Variants in STEAP3 observed in about 807,000 individuals in gnomAD.
STEAP3 encodes the protein STEAP3 metalloreductase.
Under a neutral mutation model 34.9 loss-of-function variants are expected in STEAP3, and 35 were observed. The ratio of observed to expected loss-of-function variants is 1.00; its 90% CI spans 0.76 to 1.33. STEAP3 has a LOEUF of 1.33. STEAP3 is among the 40% of genes most tolerant of loss of function. The pLI is 0.00. For missense variants in STEAP3, 652 were observed against 667.6 expected (o/e 0.98, Z 0.26); for synonymous variants, 281 against 301.6 (o/e 0.93, Z 0.71).
At chr2:119,254,281 C>T (rs937638491) in intron 4 of STEAP3, among the ~76,000 whole-genome samples, 1 of 151,982 alleles carries the variant, frequency 6.6e-6, no homozygotes, top group South Asian at 2.1e-4. Flanking sequence ...TGCTTAAGGG[C>T]TGTATTTCTG....
At chr2:119,257,620 A>G (rs1677813829) in intron 5 of STEAP3, 1 of 1,500,504 alleles carries the variant, frequency 6.7e-7, no homozygotes, top group Non-Finnish European at 8.9e-7. Context: ...TATGGTCATC[A>G]AGAGGATTTG....
At chr2:119,254,914 G>A (rs1677733964) in intron 5 of STEAP3, 66 bp downstream of exon 5, 6 of 1,557,892 alleles carry the variant, frequency 3.9e-6, no homozygotes, top group Non-Finnish European at 5.2e-6. Flanking sequence ...ATGAGTAAGT[G>A]CTCTGCCTTT....
At chr2:119,243,492 T>G (rs1313066408) in intron 2 of STEAP3, among the ~76,000 whole-genome samples, 1 of 152,188 alleles carries the variant, frequency 6.6e-6, no homozygotes, top group African/African-American at 2.4e-5. Context: ...TCCCTGAGCC[T>G]CAGTTCCCTC....
In STEAP3 at chr2:119,231,008, G is replaced by A. The variant is rs1676915580; in HGVS notation, c.-5G>A. 1.2e-6 allele frequency: 2 copies of A among 1,614,222 alleles called. No individual in the cohort carries two copies. Among genetic ancestry groups the A allele is most frequent in the East Asian group, 4.5e-5 (2 of 44,884 alleles). On this transcript the variant is annotated 5_prime_UTR_variant, in exon 2 of 6. Coordinates refer to ENST00000393110, the MANE Select transcript of STEAP3 (RefSeq NM_182915.3). ...CTGAGAGCCTCAGACCCTCACGTCA[G>A]CCGGATGTCGCACCAGCCTGCTGTT...
intron 2 of STEAP3, 179 bp from the exon 3 acceptor site, chr2:119,245,310 G>A (rs1573557810): frequency 1.2e-6 from 1 of 829,192 alleles, no homozygotes; most frequent in South Asian, 1.9e-5. Context: ...GCTCTCCCCA[G>A]GGAAGGGGCT....
At chr2:119,237,934 G>A (rs1677138126) in intron 2 of STEAP3, among the ~76,000 whole-genome samples, 1 of 152,116 alleles carries the variant, frequency 6.6e-6, no homozygotes, top group Non-Finnish European at 1.5e-5. Context: ...TGTAATGTCT[G>A]GCCTTTTGTA....
rs186086105 is a variant in STEAP3, at chr2:119,238,551, G to A, written c.23-6938G>A. Among the ~76,000 whole-genome samples, 4 of 152,278 alleles carry A rather than the reference G, an allele frequency of 2.6e-5. No individual in the cohort carries two copies. The East Asian group carries it at 7.7e-4, about 29-fold the overall frequency. On this transcript the variant is annotated intron_variant, in intron 2 of 5. Coordinates refer to ENST00000393110, the MANE Select transcript of STEAP3 (RefSeq NM_182915.3). ...AAACAGGTCCCCTTATCAGTTATATGATTTCCTGAACTTTTCTCCATTCTG... is the reference window on the plus strand; with the variant it reads ...AAACAGGTCCCCTTATCAGTTATATAATTTCCTGAACTTTTCTCCATTCTG...
intron 4 of STEAP3, among the ~76,000 whole-genome samples, chr2:119,252,719 AG>A (rs777157680): frequency 2.6e-5 from 4 of 152,156 alleles, no homozygotes; most frequent in Non-Finnish European, 5.9e-5. Context: ...GTGGTTTAAT[AG>A]GCTGGCTGAG....
At position 119,247,984 on chromosome 2, in the gene STEAP3, G is replaced by C; in HGVS notation, c.828G>C (p.Leu276=). 1.2e-6 allele frequency: 2 copies of C among 1,612,598 alleles called. No individual in the cohort carries two copies. The highest frequency in any genetic ancestry group is 1.7e-6 in the Non-Finnish European group (2 of 1,179,968). ...NTTLPCVAYV[L]LSLVYLPGVL... ...CACTGCCGTGCGTGGCCTACGTGCT[G>C]CTGTCACTCGTGTACTTGCCCGGCG... The change falls in exon 4 of 6, where the codon CTG becomes CTC. Residue 276 remains leucine (L), a synonymous_variant. Transcript: ENST00000393110.
At chr2:119,225,213 T>A (rs1679001386) in intron 1 of STEAP3, among the ~76,000 whole-genome samples, 1 of 152,220 alleles carries the variant, frequency 6.6e-6, no homozygotes. Flanking sequence ...GACTATGTCT[T>A]ACTCATCTCT....
intron 5 of STEAP3, among the ~76,000 whole-genome samples, chr2:119,259,424 G>A (rs1427883430): frequency 6.6e-6 from 1 of 152,200 alleles, no homozygotes; most frequent in African/African-American, 2.4e-5. Context: ...GCTTCCCACT[G>A]GGACAGGAAA....
intron 4 of STEAP3, among the ~76,000 whole-genome samples, chr2:119,250,851 C>T (rs978607163): frequency 4.6e-5 from 7 of 152,174 alleles, no homozygotes; most frequent in Non-Finnish European, 7.3e-5. Context: ...GCTGCAGGCC[C>T]TGGTGAGGTT....
intron 1 of STEAP3, among the ~76,000 whole-genome samples, chr2:119,225,961 C>T (rs750141514): frequency 2.6e-5 from 4 of 152,220 alleles, no homozygotes; most frequent in Non-Finnish European, 4.4e-5. Context: ...CTCAGGTTTG[C>T]GAGTTAACCA....
rs541328398 is a variant in STEAP3, at chr2:119,252,285, C to G, written c.1051-2399C>G. 4.6e-5 allele frequency among the ~76,000 whole-genome samples: 7 copies of G among 152,372 alleles called. No individual in the cohort carries two copies. The South Asian group carries it at 1.4e-3, about 32-fold the overall frequency. ...ATGATGCTATGAGCCAGGAAAGGGA[C>G]TGCCCAGGGTCTCATGACTGCCCAC... is the stretch of plus-strand genomic sequence containing the variant. On this transcript the variant is annotated intron_variant, in intron 4 of 5. Transcript: ENST00000393110.
chr2:119,234,187 GCTCA>G (rs1677025273), intron 2 of STEAP3, among the ~76,000 whole-genome samples: 1 of 152,122 alleles, frequency 6.6e-6, no homozygotes, highest in Non-Finnish European at 1.5e-5. Context: ...TAACCCCACG[GCTCA>G]CCCTGCCCAG....
chr2:119,260,840 G>A (rs749023565), intron 5 of STEAP3, among the ~76,000 whole-genome samples: 2 of 152,298 alleles, frequency 1.3e-5, no homozygotes, highest in Admixed American at 6.5e-5. Flanking sequence ...AAAGCCAATC[G>A]TGGCTTCCTC....
At chr2:119,232,667 G>A (rs765394513) in intron 2 of STEAP3, among the ~76,000 whole-genome samples, 5 of 152,188 alleles carry the variant, frequency 3.3e-5, no homozygotes, top group African/African-American at 7.2e-5. Flanking sequence ...AAATGGGAAA[G>A]ACTTTGCAGA....
chr2:119,246,022 A>G lies in STEAP3; in HGVS notation c.522+34A>G, dbSNP rs374005894. ...TGGGGGAATAATACCCATCGTAACA[A>G]TAAATATAAATGGCTAATTTTCATC... On this transcript the variant is annotated intron_variant, in intron 3 of 5. Transcript: ENST00000393110. The G allele has an allele frequency of 6.3e-5, 99 of 1,579,188 alleles. No homozygotes were observed. The African/African-American group carries it at 1.3e-3, about 20-fold the overall frequency.
intron 2 of STEAP3, among the ~76,000 whole-genome samples, chr2:119,231,613 T>C (rs914977609): frequency 2.0e-5 from 3 of 152,190 alleles, no homozygotes; most frequent in African/African-American, 7.2e-5. Context: ...TAAACTCTTT[T>C]CCATCAGACG....
Sources: allele counts gnomAD v4.1 joint callset (sites outside exome capture counted in the v4.1 genomes callset), GRCh38; gene constraint gnomAD v4.1.1; transcripts MANE v1.5; gene names NCBI Gene and HGNC (gene_info 2026-07-23, HGNC 2026-07-21).